ROS1: variants seen among roughly 807,000 people sequenced by gnomAD.
ROS1 encodes the protein proto-oncogene tyrosine-protein kinase ROS.
A neutral mutation model predicts 273.5 loss-of-function variants in ROS1; 263 were observed. That is an observed-to-expected ratio of 0.96 (90% CI 0.87 to 1.06). The LOEUF (loss-of-function observed/expected upper bound fraction) is 1.06, where lower values mean the gene tolerates loss of function less well. Among genes scored for constraint, ROS1 ranks in the 50% least tolerant of loss-of-function variants. ROS1 has a pLI of 0.00. For synonymous variants in ROS1, 1,008 were observed against 954.1 expected (o/e 1.06, Z -1.04); for missense variants, 2,833 against 2,751.1 (o/e 1.03, Z -0.67).
At chr6:117,352,670 T>C (rs1778972161) in intron 27 of ROS1, among the ~76,000 whole-genome samples, 2 of 152,068 alleles carry the variant, frequency 1.3e-5, no homozygotes, top group Non-Finnish European at 2.9e-5. Flanking sequence ...AGGCCTAAAA[T>C]ATCAGCAAAG....
At position 117,379,123 on chromosome 6, in the gene ROS1, G is replaced by A. The variant is rs1484447504; in HGVS notation, c.2518C>T (p.Leu840=). Residue 840 remains leucine, a synonymous_variant, in exon 18 of 44, where the codon CTG becomes TTG. Coordinates refer to ENST00000368507, the MANE Select transcript of ROS1 (RefSeq NM_001378902.1). ...TGACTGTCTTGAACCAACCAATACA[G>A]GAGCCCATCACTGAGGTCTAAAGTT... ...ALTLDLSDGL[L]YWLVQDSQCI... The A allele has an allele frequency of 1.2e-6, 2 of 1,613,106 alleles. No individual in the cohort carries two copies. Among genetic ancestry groups the A allele is most frequent in the African/African-American group, 2.7e-5 (2 of 74,992 alleles).
chr6:117,362,993 T>C, intron 21 of ROS1, 128 bp from the exon 22 acceptor site: 1 of 799,912 alleles, frequency 1.3e-6, no homozygotes, highest in South Asian at 2.2e-5. Context: ...TTGCAGTATA[T>C]TTATTACATT....
chr6:117,317,318 A>G lies in ROS1; in HGVS notation c.5988-46T>C, dbSNP rs1775990297. 5 of 1,585,596 alleles carry G rather than the reference A, an allele frequency of 3.2e-6. No homozygotes were observed. The African/African-American group carries it at 6.8e-5, about 21-fold the overall frequency. On this transcript the variant is annotated intron_variant, in intron 38 of 43. Transcript: ENST00000368507. ...GGCTGGATGATATGACAGAAGCAGG[A>G]GTCCTAGCCGAGGGTCTTTATGGAG...
At chr6:117,396,011 C>T (rs991173819) in intron 9 of ROS1, among the ~76,000 whole-genome samples, 177 bp downstream of exon 9, 4 of 152,040 alleles carry the variant, frequency 2.6e-5, no homozygotes, top group African/African-American at 9.7e-5. Context: ...TACTTTAATT[C>T]ATCAAATACT....
chr6:117,360,464 T>C, intron 22 of ROS1, 59 bp from the exon 23 acceptor site: 1 of 1,129,150 alleles, frequency 8.9e-7, no homozygotes, highest in Non-Finnish European at 1.3e-6. Context: ...ACAATTAAGT[T>C]CTGAGACTGA....
chr6:117,376,182 A>C (rs1781316814), intron 18 of ROS1, among the ~76,000 whole-genome samples: 1 of 152,130 alleles, frequency 6.6e-6, no homozygotes, highest in Admixed American at 6.5e-5. Context: ...CAATAGCAGA[A>C]GTATAAAAGG....
chr6:117,387,679 T>A (rs1042718314), intron 14 of ROS1, 101 bp downstream of exon 14: 19 of 1,203,242 alleles, frequency 1.6e-5, no homozygotes, highest in Non-Finnish European at 3.5e-6. Flanking sequence ...CAATACACCC[T>A]CATTCTCATT....
At chr6:117,365,858 CT>C (rs1780174342) in intron 19 of ROS1, 117 bp from the exon 20 acceptor site, 8 of 999,316 alleles carry the variant, frequency 8.0e-6, no homozygotes, top group Non-Finnish European at 1.1e-5. Flanking sequence ...CAAAATTTTT[CT>C]TTTCTTTAAC....
intron 18 of ROS1, among the ~76,000 whole-genome samples, chr6:117,367,146 A>C (rs1353042425): frequency 6.6e-6 from 1 of 152,208 alleles, no homozygotes; most frequent in Non-Finnish European, 1.5e-5. Flanking sequence ...TCAATGCAAT[A>C]AATTAGCCTA....
At position 117,394,628 on chromosome 6, in the gene ROS1, G is replaced by T. The variant is rs146159167; in HGVS notation, c.994C>A (p.His332Asn). ...TTATCATACTGACCTGTAATATTAT[G>T]GTATATAGCATCCAACCGAAGGCAA... ...AHCLRLDAIYHNITGISVDVH... is the reference protein window; with the variant it reads ...AHCLRLDAIYNNITGISVDVH... Residue 332 changes from histidine (H) to asparagine (N), a missense_variant, in exon 10 of 44, where the codon CAT (histidine) becomes AAT (asparagine). His to Asn is a moderately conservative substitution (Grantham distance 68). Coordinates refer to ENST00000368507, the MANE Select transcript of ROS1 (RefSeq NM_001378902.1). The T allele has an allele frequency of 6.8e-5, 110 of 1,608,370 alleles. No individual in the cohort carries two copies. In the African/African-American group the frequency reaches 1.4e-3, roughly 20 times the overall value.
At position 117,302,926 on chromosome 6, in the gene ROS1, T is replaced by A. The variant is rs766187688; in HGVS notation, c.6552-1789A>T. Among the ~76,000 whole-genome samples the A allele has an allele frequency of 3.5e-4, 54 of 152,272 alleles. 1 individual carries two copies. The highest frequency in any genetic ancestry group is 6.5e-4 in the Admixed American group (10 of 15,294). ...GGTTTCCAAACCCAGATATCCAGTATCTTCACCCTCCCGCCTCTATCAAGT... is the reference window on the plus strand; with the variant it reads ...GGTTTCCAAACCCAGATATCCAGTAACTTCACCCTCCCGCCTCTATCAAGT... On this transcript the variant is annotated intron_variant, in intron 42 of 43. Transcript: ENST00000368507.
chr6:117,376,196 T>C (rs538844719), intron 18 of ROS1, among the ~76,000 whole-genome samples: 2 of 152,058 alleles, frequency 1.3e-5, no homozygotes, highest in South Asian at 4.2e-4. Context: ...TAAAAGGATA[T>C]CACGACAGAC....
chr6:117,313,517 G>A (rs1775694484), intron 39 of ROS1, among the ~76,000 whole-genome samples: 1 of 151,080 alleles, frequency 6.6e-6, no homozygotes, highest in Non-Finnish European at 1.5e-5. Context: ...AGGTTGCAGT[G>A]AGCCAAGATC....
rs77367067 is a variant in ROS1, at chr6:117,363,192, C to G, written c.3104-327G>C. The stretch of plus-strand genomic sequence containing the variant: ...GCTGTCTGGTTCTCCCCGTAAAATG[C>G]AACATTCACTTTTATCCTGACAGAG... On this transcript the variant is annotated intron_variant, in intron 21 of 43. Transcript: ENST00000368507. Among the ~76,000 whole-genome samples the G allele has an allele frequency of 1.6e-3, 236 of 152,238 alleles. 1 individual carries two copies. The highest frequency in any genetic ancestry group is 5.4e-3 in the African/African-American group (223 of 41,534).
chr6:117,329,186 C>T (rs972242144), intron 33 of ROS1, 143 bp downstream of exon 33: 14 of 602,800 alleles, frequency 2.3e-5, no homozygotes, highest in South Asian at 4.3e-5. Context: ...GAGCAAAGAA[C>T]GTAATGATGC....
intron 27 of ROS1, 131 bp from the exon 28 acceptor site, chr6:117,344,393 C>G: frequency 1.6e-6 from 1 of 640,452 alleles, no homozygotes; most frequent in Non-Finnish European, 2.6e-6. Context: ...TGCTTGAAAA[C>G]ATAAATATGA....
chr6:117,403,144 T>G lies in ROS1; in HGVS notation c.599A>C (p.His200Pro), dbSNP rs754183720. The change falls in exon 7 of 44, where the codon CAT (histidine) becomes CCT (proline). Residue 200 changes from histidine to proline, a missense_variant. His to Pro is a moderately conservative substitution (Grantham distance 77, BLOSUM62 -2). Coordinates refer to ENST00000368507, the MANE Select transcript of ROS1 (RefSeq NM_001378902.1). ...PPSPSYRTHP[H>P]GVPETAPLIR... The stretch of plus-strand genomic sequence containing the variant: ...GAAATGTGTGCACACCATACCTCCA[T>G]GAGGATGAGTCCTGTAACTGGGACT... 38 of 1,613,440 alleles carry G rather than the reference T, an allele frequency of 2.4e-5. No individual in the cohort carries two copies. Among genetic ancestry groups the G allele is most frequent in the Non-Finnish European group, 3.1e-5 (37 of 1,179,638 alleles).
chr6:117,398,879 A>G (rs1239292062), intron 7 of ROS1, among the ~76,000 whole-genome samples: 4 of 151,764 alleles, frequency 2.6e-5, no homozygotes, highest in African/African-American at 9.7e-5. Context: ...AGGCTGAGGC[A>G]GGAGAATCGA....
chr6:117,323,915 C>T (rs912631603), intron 35 of ROS1, among the ~76,000 whole-genome samples: 1 of 152,142 alleles, frequency 6.6e-6, no homozygotes, highest in Non-Finnish European at 1.5e-5. Flanking sequence ...GAAACCAAAA[C>T]TATCCCAATC....
Sources: allele counts gnomAD v4.1 joint callset (sites outside exome capture counted in the v4.1 genomes callset), GRCh38; gene constraint gnomAD v4.1.1; transcripts MANE v1.5; gene names NCBI Gene and HGNC (gene_info 2026-07-23, HGNC 2026-07-21).